The following NALF1 variants were observed in gnomAD, a reference collection of about 807,000 sequenced individuals.
The protein encoded by NALF1 is NALCN channel auxiliary factor 1.
NALF1 carries 3 observed loss-of-function variants against 48.4 expected under a neutral mutation model. That is an observed-to-expected ratio of 0.06 (90% confidence interval 0.03 to 0.16). The LOEUF is 0.16. NALF1 is among the 10% of genes least tolerant of loss of function. The pLI is 1.00. For synonymous variants in NALF1, 262 were observed against 245.7 expected (o/e 1.07, Z -0.62); for missense variants, 526 against 571.5 (o/e 0.92, Z 0.81).
At chr13:107,452,953 A>G (rs1012275878) in intron 1 of NALF1, among the ~76,000 whole-genome samples, 14 of 152,204 alleles carry the variant, frequency 9.2e-5, no homozygotes, top group African/African-American at 3.4e-4. Context: ...TAAAGCTCCG[A>G]AATAATCTCC....
At chr13:107,225,382 T>A (rs1002317464) in intron 1 of NALF1, among the ~76,000 whole-genome samples, 1 of 152,148 alleles carries the variant, frequency 6.6e-6, no homozygotes, top group Admixed American at 6.6e-5. Flanking sequence ...TGGCTCAAGA[T>A]CTTTCTGCCT....
intron 1 of NALF1, among the ~76,000 whole-genome samples, chr13:107,289,552 C>T (rs754694710): frequency 6.6e-6 from 1 of 152,140 alleles, no homozygotes; most frequent in Non-Finnish European, 1.5e-5. Flanking sequence ...TGTCTACACA[C>T]ACATACATAC....
chr13:107,564,463 T>A (rs1877737457), intron 1 of NALF1, among the ~76,000 whole-genome samples: 1 of 152,140 alleles, frequency 6.6e-6, no homozygotes, highest in Non-Finnish European at 1.5e-5. Context: ...TAGGTCGTTT[T>A]AAGTGGGTGC....
intron 1 of NALF1, among the ~76,000 whole-genome samples, chr13:107,857,415 G>C (rs955124304): frequency 3.3e-5 from 5 of 152,156 alleles, no homozygotes; most frequent in Non-Finnish European, 5.9e-5. Context: ...ATGCCTGACA[G>C]ACGACATAAC....
chr13:107,835,991 T>G (rs1237116535), intron 1 of NALF1, among the ~76,000 whole-genome samples: 1 of 152,062 alleles, frequency 6.6e-6, no homozygotes, highest in African/African-American at 2.4e-5. Flanking sequence ...GTAGTTGTTG[T>G]TTTTGTTTTT....
chr13:107,712,227 G>T (rs923324984), intron 1 of NALF1, among the ~76,000 whole-genome samples: 6 of 152,048 alleles, frequency 3.9e-5, no homozygotes, highest in Non-Finnish European at 7.4e-5. Flanking sequence ...TAAACTCAGA[G>T]GTTTACATTT....
intron 1 of NALF1, among the ~76,000 whole-genome samples, chr13:107,411,435 A>G (rs1883989853): frequency 1.3e-5 from 2 of 151,030 alleles, no homozygotes; most frequent in South Asian, 4.2e-4. Context: ...CCTCGACCCC[A>G]CAAAGTATTG....
At chr13:107,324,502 A>G (rs1392362885) in intron 1 of NALF1, among the ~76,000 whole-genome samples, 1 of 152,180 alleles carries the variant, frequency 6.6e-6, no homozygotes, top group East Asian at 1.9e-4. Flanking sequence ...TATCTAGGGC[A>G]CTTGTGCACA....
intron 1 of NALF1, among the ~76,000 whole-genome samples, chr13:107,577,567 T>C (rs1878189020): frequency 6.6e-6 from 1 of 152,214 alleles, no homozygotes; most frequent in Non-Finnish European, 1.5e-5. Flanking sequence ...TGAAAAGCGA[T>C]CTACATATTA....
chr13:107,374,027 GA>G (rs1204154103), intron 1 of NALF1, among the ~76,000 whole-genome samples: 1 of 152,154 alleles, frequency 6.6e-6, no homozygotes, highest in Non-Finnish European at 1.5e-5. Flanking sequence ...TCTTTGTAAT[GA>G]AAATTATTGA....
At chr13:107,205,877 G>A (rs1879629157) in intron 2 of NALF1, among the ~76,000 whole-genome samples, 1 of 151,790 alleles carries the variant, frequency 6.6e-6, no homozygotes, top group South Asian at 2.1e-4. Flanking sequence ...ACTGTTAAAG[G>A]TAAGCAATCA....
At chr13:107,201,108 TC>T (rs1376943214) in intron 2 of NALF1, among the ~76,000 whole-genome samples, 1 of 152,172 alleles carries the variant, frequency 6.6e-6, no homozygotes, top group Non-Finnish European at 1.5e-5. Context: ...TTCCATGTGA[TC>T]CCTTCCAAGG....
chr13:107,259,088 C>A (rs1880878101), intron 1 of NALF1, among the ~76,000 whole-genome samples: 1 of 152,102 alleles, frequency 6.6e-6, no homozygotes, highest in African/African-American at 2.4e-5. Flanking sequence ...CTCCCCTGAA[C>A]TTCTATAACC....
intron 1 of NALF1, among the ~76,000 whole-genome samples, chr13:107,861,973 G>C (rs947047859): frequency 2.2e-4 from 33 of 152,138 alleles, no homozygotes; most frequent in African/African-American, 8.0e-4. Flanking sequence ...TTTGGTCATA[G>C]TCTGTTATAT....
intron 2 of NALF1, among the ~76,000 whole-genome samples, chr13:107,206,755 G>A (rs566239116): frequency 4.6e-5 from 7 of 152,302 alleles, no homozygotes; most frequent in African/African-American, 7.2e-5. Flanking sequence ...TGTCACTAAG[G>A]AGAAGCACCT....
At chr13:107,489,837 T>C (rs1242272522) in intron 1 of NALF1, among the ~76,000 whole-genome samples, 2 of 152,124 alleles carry the variant, frequency 1.3e-5, no homozygotes, top group Non-Finnish European at 2.9e-5. Context: ...TTGCAAACTA[T>C]GCATCTGACA....
intron 1 of NALF1, among the ~76,000 whole-genome samples, chr13:107,842,325 A>T (rs1880064601): frequency 6.6e-6 from 1 of 152,076 alleles, no homozygotes; most frequent in African/African-American, 2.4e-5. Flanking sequence ...TGTGCAAGAT[A>T]ACAAAGAAAT....
At chr13:107,281,370 T>C (rs942424166) in intron 1 of NALF1, among the ~76,000 whole-genome samples, 1 of 152,286 alleles carries the variant, frequency 6.6e-6, no homozygotes, top group African/African-American at 2.4e-5. Flanking sequence ...ATAGAAAATG[T>C]GGAACTTGAG....
At chr13:107,209,869 T>C (rs7332218) in intron 2 of NALF1, among the ~76,000 whole-genome samples, 48,929 of 152,120 alleles carry the variant, frequency 0.32, 9,198 homozygotes, top group Middle Eastern at 0.44. Flanking sequence ...CCTGGCAAAG[T>C]ATCTTGTTCT....
Sources: gnomAD v4.1 joint callset for allele counts (sites outside exome capture counted in the v4.1 genomes callset) on GRCh38, gnomAD v4.1.1 for gene constraint, MANE v1.5 for transcripts, NCBI Gene and HGNC (gene_info 2026-07-23, HGNC 2026-07-21) for gene names.